Variants in PSMA8 observed in about 807,000 individuals in gnomAD.
The protein encoded by PSMA8 is proteasome 20S subunit alpha 8, also known as proteasome subunit alpha-type 8.
In PSMA8, 18 loss-of-function variants were observed where a neutral mutation model predicts 32.4. The observed-to-expected ratio is 0.56, with a 90% CI of 0.38 to 0.82. The LOEUF (loss-of-function observed/expected upper bound fraction) is 0.82. Among genes scored for constraint, PSMA8 ranks in the 40% least tolerant of loss-of-function variants. The pLI, the probability that PSMA8 is intolerant of heterozygous loss-of-function variation, is 0.00. For synonymous variants in PSMA8, 104 were observed against 98.1 expected (o/e 1.06, Z -0.36); for missense variants, 298 against 300.7 (o/e 0.99, Z 0.07).
chr18:26,157,084 C>A, intron 3 of PSMA8, among the ~76,000 whole-genome samples: 1 of 150,928 alleles, frequency 6.6e-6, no homozygotes, highest in African/African-American at 2.4e-5. Flanking sequence ...TGCATCCAAC[C>A]TAAAAATAAA....
At chr18:26,174,679 CA>C in intron 4 of PSMA8, among the ~76,000 whole-genome samples, 1 of 152,120 alleles carries the variant, frequency 6.6e-6, no homozygotes, top group Non-Finnish European at 1.5e-5. Context: ...CATAATGTTT[CA>C]AAATGGTAAG....
chr18:26,173,649 C>G (rs1487093668), intron 4 of PSMA8, among the ~76,000 whole-genome samples: 1 of 152,002 alleles, frequency 6.6e-6, no homozygotes, highest in African/African-American at 2.4e-5. Flanking sequence ...CTCCACCCCC[C>G]AGGTTCAAGC....
intron 6 of PSMA8, among the ~76,000 whole-genome samples, chr18:26,189,437 G>A (rs990705983): frequency 3.3e-5 from 5 of 152,132 alleles, no homozygotes; most frequent in Non-Finnish European, 7.4e-5. Context: ...GGAAGCTGAG[G>A]TGGGAGGATC....
In PSMA8 at chr18:26,174,151, G is replaced by A. The variant is rs1286243288; in HGVS notation, c.478-4679G>A. ...TAATCCTATATTTTAGAGTGAAAAC[G>A]TAATATTTATAGCATTCGGATCATG... On this transcript the variant is annotated intron_variant, in intron 4 of 6. Coordinates refer to ENST00000415576, the MANE Select transcript of PSMA8 (RefSeq NM_001025096.2). 1.1e-4 allele frequency among the ~76,000 whole-genome samples: 17 copies of A among 152,124 alleles called. 1 individual carries two copies. The highest frequency in any genetic ancestry group is 1.0e-3 in the Admixed American group (16 of 15,276).
At chr18:26,145,775 G>A (rs9965479) in intron 2 of PSMA8, among the ~76,000 whole-genome samples, 8,367 of 152,074 alleles carry the variant, frequency 0.055, 676 homozygotes, top group African/African-American at 0.18. Flanking sequence ...GGGACATTTG[G>A]GTTATTTCCA....
intron 4 of PSMA8, among the ~76,000 whole-genome samples, chr18:26,165,543 A>G (rs2055171440): frequency 6.6e-6 from 1 of 152,090 alleles, no homozygotes; most frequent in South Asian, 2.1e-4. Flanking sequence ...AACAGTAGCT[A>G]GAGGAGAATA....
chr18:26,144,488 T>C (rs2054985026), intron 1 of PSMA8, 71 bp from the exon 2 acceptor site: 3 of 1,281,834 alleles, frequency 2.3e-6, no homozygotes, highest in Non-Finnish European at 3.4e-6. Context: ...CCCTAAGTCA[T>C]ATGTTAGAAT....
At chr18:26,134,671 A>G (rs1007647551) in intron 1 of PSMA8, among the ~76,000 whole-genome samples, 5 of 152,138 alleles carry the variant, frequency 3.3e-5, no homozygotes, top group Non-Finnish European at 5.9e-5. Flanking sequence ...ATATCCCAAA[A>G]TTGCTGGGCG....
intron 6 of PSMA8, among the ~76,000 whole-genome samples, chr18:26,191,077 G>T (rs1222982231): frequency 6.6e-6 from 1 of 152,098 alleles, no homozygotes; most frequent in Non-Finnish European, 1.5e-5. Context: ...GTTGAAATAA[G>T]AATCAGAGAC....
At chr18:26,185,872 G>A (rs1450232478) in intron 6 of PSMA8, among the ~76,000 whole-genome samples, 1 of 150,508 alleles carries the variant, frequency 6.6e-6, no homozygotes, top group Admixed American at 6.6e-5. Context: ...GACTCCACAT[G>A]AAAATATTAC....
chr18:26,135,717 G>T (rs1006522016), intron 1 of PSMA8, among the ~76,000 whole-genome samples: 17 of 152,164 alleles, frequency 1.1e-4, no homozygotes, highest in Non-Finnish European at 5.9e-5. Context: ...GAAGACTAGG[G>T]TGTAATAAGA....
At chr18:26,175,613 C>G (rs73405475) in intron 4 of PSMA8, among the ~76,000 whole-genome samples, 4 of 152,298 alleles carry the variant, frequency 2.6e-5, no homozygotes, top group African/African-American at 9.6e-5. Context: ...ATTACCACTT[C>G]CAGTAGCCAC....
intron 3 of PSMA8, among the ~76,000 whole-genome samples, chr18:26,153,630 T>C (rs908168919): frequency 6.6e-6 from 1 of 152,220 alleles, no homozygotes; most frequent in African/African-American, 2.4e-5. Context: ...TTTCTCCTTT[T>C]GTAAACTATC....
At chr18:26,166,529 G>A (rs560932381) in intron 4 of PSMA8, among the ~76,000 whole-genome samples, 2 of 152,122 alleles carry the variant, frequency 1.3e-5, no homozygotes, top group Non-Finnish European at 2.9e-5. Flanking sequence ...ATTAAATCTT[G>A]ACTCAGGTAT....
chr18:26,143,942 G>A (rs553599499), intron 1 of PSMA8, among the ~76,000 whole-genome samples: 16 of 152,046 alleles, frequency 1.1e-4, no homozygotes, highest in South Asian at 8.3e-4. Context: ...GGCTGGTCTC[G>A]AACTCCAGAC....
chr18:26,164,654 G>A (rs1028960413), intron 4 of PSMA8, among the ~76,000 whole-genome samples: 1 of 152,090 alleles, frequency 6.6e-6, no homozygotes, highest in East Asian at 1.9e-4. Flanking sequence ...TAAAGGCATG[G>A]AAACTTTTCT....
At position 26,144,554 on chromosome 18, in the gene PSMA8, G is replaced by A; in HGVS notation, c.103-5G>A. ...GAATATATATGTATTTTAATGACTT[G>A]ACAGGTCGGAATTCGAGGTACCAAT... On this transcript the variant is annotated splice_region_variant and splice_polypyrimidine_tract_variant and intron_variant, in intron 1 of 6. Transcript: ENST00000415576. The A allele has an allele frequency of 1.2e-6, 2 of 1,610,762 alleles. No homozygotes were observed. Among genetic ancestry groups the A allele is most frequent in the Non-Finnish European group, 1.7e-6 (2 of 1,177,382 alleles).
chr18:26,188,340 C>A (rs1222494232), intron 6 of PSMA8, among the ~76,000 whole-genome samples: 78 of 143,584 alleles, frequency 5.4e-4, no homozygotes, highest in African/African-American at 6.4e-4. Flanking sequence ...AAAAGGACAC[C>A]AAAAAAAAAA....
At chr18:26,151,715 TCA>T (rs2055046958) in intron 2 of PSMA8, 141 bp from the exon 3 acceptor site, 7 of 616,790 alleles carry the variant, frequency 1.1e-5, no homozygotes, top group Non-Finnish European at 1.3e-5. Flanking sequence ...ACACTTTATC[TCA>T]CAAGTCTTTT....
Sources: gnomAD v4.1 joint callset for allele counts (sites outside exome capture counted in the v4.1 genomes callset) on GRCh38, gnomAD v4.1.1 for gene constraint, MANE v1.5 for transcripts, NCBI Gene and HGNC (gene_info 2026-07-23, HGNC 2026-07-21) for gene names.